Variants in TEX14 observed in about 807,000 individuals in gnomAD.
TEX14 encodes inactive serine/threonine-protein kinase TEX14.
TEX14 carries 168 observed loss-of-function variants against 178.6 expected under a neutral mutation model. The observed-to-expected ratio is 0.94, with a 90% CI of 0.83 to 1.07. The LOEUF (loss-of-function observed/expected upper bound fraction) is 1.07, where lower values mean the gene tolerates loss of function less well. TEX14 is among the 50% of genes least tolerant of loss of function. The pLI is 0.00. For synonymous variants in TEX14, 626 were observed against 634.1 expected, an observed-to-expected ratio of 0.99 and a Z score of 0.19; for missense variants, 1,730 against 1,753.6, an observed-to-expected ratio of 0.99 and a Z score of 0.24.
At chr17:58,641,555 C>T (rs2046578247) in intron 2 of TEX14, among the ~76,000 whole-genome samples, 2 of 150,628 alleles carry the variant, frequency 1.3e-5, no homozygotes, top group African/African-American at 2.4e-5. Context: ...GACTGGAGTG[C>T]AGCAGCTTGA....
rs764258260 is a variant in TEX14, at chr17:58,586,003, A to T, written c.2868T>A (p.Thr956=). The T allele has an allele frequency of 1.9e-5, 30 of 1,614,006 alleles. No homozygotes were observed. Among genetic ancestry groups the T allele is most frequent in the Middle Eastern group, 3.3e-4 (2 of 6,082 alleles). Residue 956 remains threonine, a synonymous_variant, in exon 18 of 32, where the codon ACT becomes ACA. Transcript: ENST00000349033. ...VPPWHPQSSL[T]LESEAENEPD... is the part of the protein sequence containing the mutation. ...GCTCATTTTCAGCCTCGCTCTCTAA[A>T]GTCAGACTACTCTGAGGATGCCAAG...
At chr17:58,605,522 G>C (rs1291336470) in intron 10 of TEX14, among the ~76,000 whole-genome samples, 1 of 152,214 alleles carries the variant, frequency 6.6e-6, no homozygotes, top group African/African-American at 2.4e-5. Flanking sequence ...CACTGCTTCA[G>C]AGCTGTTCCA....
intron 29 of TEX14, among the ~76,000 whole-genome samples, chr17:58,560,904 G>C (rs1289110983): frequency 6.6e-6 from 1 of 152,150 alleles, no homozygotes; most frequent in African/African-American, 2.4e-5. Flanking sequence ...CATCAAACAG[G>C]CCTCACAGAG....
intron 24 of TEX14, among the ~76,000 whole-genome samples, chr17:58,571,014 T>G (rs2044511402): frequency 6.6e-6 from 1 of 152,060 alleles, no homozygotes; most frequent in Non-Finnish European, 1.5e-5. Context: ...CACTAGACAG[T>G]GAGCTCCTTT....
intron 6 of TEX14, 133 bp from the exon 7 acceptor site, chr17:58,616,438 C>CA: frequency 5.0e-6 from 4 of 800,752 alleles, no homozygotes; most frequent in Non-Finnish European, 7.2e-6. Flanking sequence ...TGCACTGGGC[C>CA]TTTTTTTTTT....
At chr17:58,595,310 A>G (rs577904673) in intron 14 of TEX14, among the ~76,000 whole-genome samples, 48 of 152,302 alleles carry the variant, frequency 3.2e-4, no homozygotes, top group African/African-American at 1.1e-3. Context: ...TTTAAGGAAA[A>G]AATAAATATG....
At chr17:58,557,076 A>G in intron 31 of TEX14, 29 bp from the exon 32 acceptor site, 1 of 1,607,786 alleles carries the variant, frequency 6.2e-7, no homozygotes, top group Non-Finnish European at 8.5e-7. Context: ...AAGAACAAAA[A>G]AGGAAGTTTC....
At chr17:58,674,185 G>T (rs2047351253) in intron 1 of TEX14, among the ~76,000 whole-genome samples, 1 of 151,770 alleles carries the variant, frequency 6.6e-6, no homozygotes, top group African/African-American at 2.4e-5. Flanking sequence ...CTAAGGCAGG[G>T]GAATTGCTTG....
chr17:58,570,453 G>C lies in TEX14; in HGVS notation c.3749C>G (p.Ser1250Cys). The C allele has an allele frequency of 6.6e-7, 1 of 1,524,050 alleles. No homozygotes were observed. Among genetic ancestry groups the C allele is most frequent in the Non-Finnish European group, 8.7e-7 (1 of 1,148,314 alleles). 94.4% of individuals were successfully genotyped at this position (1,524,050 alleles called of 1,614,324 possible). ...KRLSSFIGAG[S>C]PSLVKACDSS... ...GTCACATGCCTTAACAAGGCTGGGG[G>C]ATCCAGCCCCAATAAATGAAGACAA... Residue 1250 changes from serine (S) to cysteine (C), a missense_variant, in exon 25 of 32, where the codon TCC becomes TGC. Ser to Cys is a moderately radical substitution (Grantham distance 112, BLOSUM62 -1). Around this residue, in one of 2 missense-constraint regions of TEX14, gnomAD observed 941 missense variants for 1,072.4 expected, o/e 0.88. Transcript: ENST00000349033.
intron 21 of TEX14, among the ~76,000 whole-genome samples, chr17:58,576,229 T>C (rs1328132458): frequency 3.3e-5 from 5 of 152,258 alleles, no homozygotes; most frequent in Non-Finnish European, 5.9e-5. Flanking sequence ...CTCACGCCTG[T>C]AATCCCAGCA....
At chr17:58,653,904 G>A (rs7217890) in intron 1 of TEX14, among the ~76,000 whole-genome samples, 22,244 of 152,044 alleles carry the variant, frequency 0.15, 2,509 homozygotes, top group East Asian at 0.31. Flanking sequence ...AAACTGGGCC[G>A]GGCATGGTGG....
rs200169514 is a variant in TEX14, at chr17:58,559,167, T to TA, written c.4267+285dup. Among the ~76,000 whole-genome samples the TA allele has an allele frequency of 4.5e-4, 67 of 147,428 alleles. 1 individual carries two copies. In the East Asian group the frequency reaches 0.011, roughly 23 times the overall value. On this transcript the variant is annotated intron_variant, in intron 30 of 31. Transcript: ENST00000349033. ...CCTGGGCAACAAGAGTGAAACTGTC[T>TA]AAAAAAAAAAGAAGCAGCAAAACGT...
intron 2 of TEX14, among the ~76,000 whole-genome samples, chr17:58,632,574 A>T (rs2046346633): frequency 6.6e-6 from 1 of 152,042 alleles, no homozygotes; most frequent in African/African-American, 2.4e-5. Flanking sequence ...TACAGACAAA[A>T]CTCTACATAC....
intron 12 of TEX14, 118 bp from the exon 13 acceptor site, chr17:58,602,074 C>CT: frequency 9.5e-7 from 1 of 1,054,994 alleles, no homozygotes; most frequent in Non-Finnish European, 1.4e-6. Flanking sequence ...GGTAGACTGA[C>CT]TTTAGTCCTA....
chr17:58,654,641 G>A lies in TEX14; in HGVS notation c.-1-2639C>T, dbSNP rs1445213519. Among the ~76,000 whole-genome samples the A allele has an allele frequency of 2.6e-5, 4 of 151,788 alleles. No homozygotes were observed. The South Asian group carries it at 8.3e-4, about 32-fold the overall frequency. Reference sequence around the variant, plus strand: ...CAGACCTCAGGCTCCCAAGTAGTTGGGATTACAGGTGCCCACCATCATTAC... The same window carrying A: ...CAGACCTCAGGCTCCCAAGTAGTTGAGATTACAGGTGCCCACCATCATTAC... On this transcript the variant is annotated intron_variant, in intron 1 of 31. Coordinates refer to ENST00000349033, the MANE Select transcript of TEX14 (RefSeq NM_031272.5).
At chr17:58,572,380 C>A (rs957351022) in intron 23 of TEX14, among the ~76,000 whole-genome samples, 3 of 152,122 alleles carry the variant, frequency 2.0e-5, no homozygotes, top group Admixed American at 6.5e-5. Context: ...CCTGTAATCC[C>A]AGCACTTTGT....
chr17:58,673,298 G>A (rs2047333950), intron 1 of TEX14, among the ~76,000 whole-genome samples: 1 of 151,424 alleles, frequency 6.6e-6, no homozygotes, highest in Non-Finnish European at 1.5e-5. Flanking sequence ...GGCCAATATG[G>A]CGAAACCATA....
intron 14 of TEX14, among the ~76,000 whole-genome samples, chr17:58,596,356 A>C (rs1025617105): frequency 6.6e-6 from 1 of 152,120 alleles, no homozygotes; most frequent in African/African-American, 2.4e-5. Flanking sequence ...ATTTCAGCTC[A>C]CTGTAATCTC....
rs368074714 is a variant in TEX14, at chr17:58,585,862, C to T, written c.3009G>A (p.Thr1003=). The change falls in exon 18 of 32, where the codon ACG becomes ACA. Residue 1003 remains threonine (T), a synonymous_variant. Coordinates refer to ENST00000349033, the MANE Select transcript of TEX14 (RefSeq NM_031272.5). ...GGTCACTGTCACAGTCATTGTTGCC[C>T]GTCTTGTCAAACTTGCCATTTCCTC... is the stretch of plus-strand genomic sequence containing the variant. ...EPRGNGKFDK[T]GNNDCDSDQH... is the part of the protein sequence containing the mutation. The T allele has an allele frequency of 9.9e-6, 16 of 1,613,856 alleles. No homozygotes were observed. The highest frequency in any genetic ancestry group is 2.2e-5 in the East Asian group (1 of 44,888).
Sources: allele counts gnomAD v4.1 joint callset (sites outside exome capture counted in the v4.1 genomes callset), GRCh38; gene constraint gnomAD v4.1.1; regional missense constraint gnomAD v4.1.1; transcripts MANE v1.5; gene names NCBI Gene and HGNC (gene_info 2026-07-23, HGNC 2026-07-21).